The following ZNF276 variants were observed in gnomAD, a reference collection of about 807,000 sequenced individuals.
The protein encoded by ZNF276 is zinc finger protein 276.
Under a neutral mutation model 63.9 loss-of-function variants are expected in ZNF276, and 59 were observed. The ratio of observed to expected loss-of-function variants is 0.92; its 90% CI spans 0.75 to 1.15. The LOEUF (loss-of-function observed/expected upper bound fraction) is 1.15. Among genes scored for constraint, ZNF276 ranks in the 50% most tolerant of loss-of-function variants. The pLI is 0.00. For synonymous variants in ZNF276, 496 were observed against 348.4 expected (o/e 1.42, Z -4.72); for missense variants, 1,084 against 843.8 (o/e 1.28, Z -3.53).
chr16:89,720,735 G>A, upstream of ZNF276: 1 of 1,425,144 alleles, frequency 7.0e-7, no homozygotes, highest in Non-Finnish European at 9.2e-7. Context: ...ACCCTCAGCG[G>A]CCAAGCCCCG....
upstream of ZNF276, chr16:89,720,916 A>ATCC (rs2061248262): frequency 7.9e-7 from 1 of 1,266,490 alleles, no homozygotes; most frequent in Non-Finnish European, 1.0e-6. Flanking sequence ...GGGCGACCGG[A>ATCC]GGCCCGGAAC....
rs892757324 is a variant in ZNF276 at position 89,739,749 on chromosome 16, G to A, written c.*1503G>A. 5 of 1,488,282 alleles carry A rather than the reference G, an allele frequency of 3.4e-6. No homozygotes were observed. The highest frequency in any genetic ancestry group is 4.5e-6 in the Non-Finnish European group (5 of 1,121,860). The allele number at this position is 1,488,282 out of a possible 1,614,324, so 92.2% of individuals were successfully genotyped here. On this transcript the variant is annotated 3_prime_UTR_variant, in exon 11 of 11. Coordinates refer to ENST00000443381, the MANE Select transcript of ZNF276 (RefSeq NM_001113525.2). The stretch of plus-strand genomic sequence containing the variant: ...GGATGGGGGGGTCGACCTCTTGCAG[G>A]AGGGTGGGTGTGGTGCAGAGAGAGG...
chr16:89,727,606 C>G (rs2061507557), intron 5 of ZNF276, among the ~76,000 whole-genome samples: 1 of 152,130 alleles, frequency 6.6e-6, no homozygotes, highest in South Asian at 2.1e-4. Context: ...TGGGGAGCTT[C>G]CGAGGCTTCT....
Position 89,721,611 on chromosome 16 carries a change from C to T in ZNF276, c.-30C>T, listed in dbSNP as rs1242971370. 9 of 1,474,144 alleles carry T rather than the reference C, an allele frequency of 6.1e-6. No homozygotes were observed. Among genetic ancestry groups the T allele is most frequent in the Middle Eastern group, 3.9e-4 (2 of 5,080 alleles). The allele number at this position is 1,474,144 out of a possible 1,614,324, so 91.3% of individuals were successfully genotyped here. A position where few individuals can be genotyped will look rare whatever the true frequency, so the allele number is the denominator to read the frequency against. Reference sequence around the variant, plus strand: ...TAGGAACCTCGGGCCGGGCAGCACCCGCGGGATTCTGCTGGCGTCCTCCGC... The same window carrying T: ...TAGGAACCTCGGGCCGGGCAGCACCTGCGGGATTCTGCTGGCGTCCTCCGC... On this transcript the variant is annotated 5_prime_UTR_variant, in exon 1 of 11. Transcript: ENST00000443381.
intron 5 of ZNF276, 138 bp from the exon 6 acceptor site, chr16:89,729,097 T>G: frequency 4.2e-6 from 3 of 713,986 alleles, no homozygotes; most frequent in Non-Finnish European, 7.0e-6. Context: ...AATTTGGGGA[T>G]TTTAGATTTA....
rs779522463 is a variant in ZNF276, at chr16:89,722,621, C to T, written c.296C>T (p.Pro99Leu). ...CTGCGCAGCATCTCCGAGAGGGCGCCTGGAGCGAGCATGGAGAGGCCATCC... is the reference window on the plus strand; with the variant it reads ...CTGCGCAGCATCTCCGAGAGGGCGCTTGGAGCGAGCATGGAGAGGCCATCC... ...RSLRSISERA[P>L]GASMERPSAE... Residue 99 changes from proline (P) to leucine (L), a missense_variant, in exon 2 of 11, where the codon CCT (proline) becomes CTT (leucine). Transcript: ENST00000443381. 1.1e-5 allele frequency: 18 copies of T among 1,611,970 alleles called. No homozygotes were observed. In the Admixed American group the frequency reaches 2.0e-4, roughly 18 times the overall value.
chr16:89,720,654 C>G (rs1488773967), upstream of ZNF276: 1 of 1,234,490 alleles, frequency 8.1e-7, no homozygotes, highest in Non-Finnish European at 1.0e-6. Context: ...CCGGCTGGCG[C>G]CCGCTCCCAA....
At chr16:89,736,741 G>C (rs2061915885) in intron 9 of ZNF276, among the ~76,000 whole-genome samples, 2 of 134,210 alleles carry the variant, frequency 1.5e-5, no homozygotes, top group Admixed American at 1.8e-4. Context: ...GCTATAGTGA[G>C]CCATGATTGT....
At chr16:89,731,098 G>A (rs1002156663) in intron 6 of ZNF276, among the ~76,000 whole-genome samples, 7 of 152,352 alleles carry the variant, frequency 4.6e-5, no homozygotes, top group African/African-American at 1.7e-4. Flanking sequence ...AGTGGTCATT[G>A]TGGGAACGGC....
At chr16:89,720,871 C>A, upstream of ZNF276, 2 of 1,357,896 alleles carry the variant, frequency 1.5e-6, no homozygotes, top group Non-Finnish European at 1.9e-6. Context: ...TGGCGCCGAG[C>A]GGGGGAGGCG....
Position 89,740,837 on chromosome 16 carries a change from C to A in ZNF276, c.*2591C>A, listed in dbSNP as rs1010989878. The A allele has an allele frequency of 1.9e-6, 3 of 1,613,404 alleles. No individual in the cohort carries two copies. Among genetic ancestry groups the A allele is most frequent in the Admixed American group, 1.7e-5 (1 of 59,920 alleles). ...TCAGATGTGACGACAGCAGGCCCAT[C>A]AAGGAGAAGAAGAAAAGGAAAACCA... On this transcript the variant is annotated 3_prime_UTR_variant, in exon 11 of 11. Transcript: ENST00000443381.
rs1030186205 is a variant in ZNF276, at chr16:89,738,462, C to A, written c.*216C>A. 10 of 1,440,472 alleles carry A rather than the reference C, an allele frequency of 6.9e-6. No homozygotes were observed. Among genetic ancestry groups the A allele is most frequent in the East Asian group, 4.8e-5 (2 of 41,350 alleles). 89.2% of individuals were successfully genotyped at this position (1,440,472 alleles called of 1,614,324 possible). ...CTGAGTGACTCGGGGCCGGACAGTT[C>A]ATAAATAATTGATTCCTTTCCCCAC... is the stretch of plus-strand genomic sequence containing the variant. On this transcript the variant is annotated 3_prime_UTR_variant, in exon 11 of 11. Coordinates refer to ENST00000443381, the MANE Select transcript of ZNF276 (RefSeq NM_001113525.2).
Position 89,739,584 on chromosome 16 carries a change from C to G in ZNF276, c.*1338C>G. On this transcript the variant is annotated 3_prime_UTR_variant, in exon 11 of 11. Coordinates refer to ENST00000443381, the MANE Select transcript of ZNF276 (RefSeq NM_001113525.2). ...ACACCAAGAAGTGGCTCAGGCAACT[C>G]TGGACATCTCTGCCTATTATCAGTG... is the stretch of plus-strand genomic sequence containing the variant. 6.5e-7 allele frequency: 1 copy of G among 1,547,750 alleles called. No individual in the cohort carries two copies. The highest frequency in any genetic ancestry group is 8.7e-7 in the Non-Finnish European group (1 of 1,144,148).
intron 4 of ZNF276, among the ~76,000 whole-genome samples, chr16:89,725,483 G>A (rs978143842): frequency 5.3e-5 from 8 of 150,410 alleles, no homozygotes; most frequent in African/African-American, 2.0e-4. Flanking sequence ...GCCCAGCCAA[G>A]AACAATACTT....
upstream of ZNF276, chr16:89,721,392 G>A (rs992373671): frequency 2.6e-5 from 10 of 384,052 alleles, no homozygotes; most frequent in Middle Eastern, 7.0e-4. Flanking sequence ...GACAGAGGCG[G>A]GCACGGCCGC....
rs746415530 is a variant in ZNF276, at chr16:89,739,050, TG to T, written c.*805del. On this transcript the variant is annotated 3_prime_UTR_variant, in exon 11 of 11. Coordinates refer to ENST00000443381, the MANE Select transcript of ZNF276 (RefSeq NM_001113525.2). ...GCTGGTGTGTCCCCCATAGTCTGCA[TG>T]CTGTGCCGGAACATTCTTTGGCAGA... The T allele has an allele frequency of 2.5e-6, 4 of 1,614,028 alleles. No homozygotes were observed. The highest frequency in any genetic ancestry group is 1.6e-4 in the Middle Eastern group (1 of 6,062).
In ZNF276 at chr16:89,733,421, TGCAAC is replaced by T; in HGVS notation, c.1280+12_1280+16del. 6.2e-7 allele frequency: 1 copy of T among 1,614,138 alleles called. No individual in the cohort carries two copies. Among genetic ancestry groups the T allele is most frequent in the Non-Finnish European group, 8.5e-7 (1 of 1,180,004 alleles). On this transcript the variant is annotated intron_variant, in intron 7 of 10. Transcript: ENST00000443381. ...AAGCTTCGTTGTGAGAGGTGATGCC[TGCAAC>T]GCGAGGCTCGCCCTGCCTGTCGGGG...
At chr16:89,731,037 C>T (rs943252128) in intron 6 of ZNF276, among the ~76,000 whole-genome samples, 4 of 152,224 alleles carry the variant, frequency 2.6e-5, no homozygotes, top group Admixed American at 2.0e-4. Flanking sequence ...GTCCCAAACA[C>T]GAGGGCACAG....
intron 9 of ZNF276, among the ~76,000 whole-genome samples, chr16:89,734,329 TTTTA>T (rs1475400013): frequency 1.0e-4 from 1 of 9,852 alleles, no homozygotes; most frequent in African/African-American, 1.2e-4. Context: ...TCATTTTATT[TTTTA>T]ATTTTTTTTT....
Sources: gnomAD v4.1 joint callset for allele counts (sites outside exome capture counted in the v4.1 genomes callset) on GRCh38, gnomAD v4.1.1 for gene constraint, MANE v1.5 for transcripts, NCBI Gene and HGNC (gene_info 2026-07-23, HGNC 2026-07-21) for gene names.